Variants in KCNH2 observed in about 807,000 individuals in gnomAD.
KCNH2 encodes voltage-gated inwardly rectifying potassium channel KCNH2.
In KCNH2, 35 loss-of-function variants were observed where a neutral mutation model predicts 95.9. That is an observed-to-expected ratio of 0.37 (90% CI 0.28 to 0.48). The LOEUF (loss-of-function observed/expected upper bound fraction) is 0.48. KCNH2 is among the 20% of genes least tolerant of loss of function. The pLI is 0.99. For missense variants in KCNH2, 1,274 were observed against 1,702.9 expected, an observed-to-expected ratio of 0.75 and a Z score of 4.43; for synonymous variants, 786 against 754.7, an observed-to-expected ratio of 1.04 and a Z score of -0.68.
In KCNH2 at chr7:150,951,503, G is replaced by C; in HGVS notation, c.1890C>G (p.Val630=). The C allele has an allele frequency of 1.2e-6, 2 of 1,614,246 alleles. No individual in the cohort carries two copies. The highest frequency in any genetic ancestry group is 1.3e-5 in the African/African-American group (1 of 75,078). ...SSLTSVGFGN[V]SPNTNSEKIF... is the part of the protein sequence containing the mutation. ...TCTTCTCTGAGTTGGTGTTGGGAGA[G>C]ACGTTGCCGAAGCCCACACTGGTGA... The change falls in exon 7 of 15, where the codon GTC becomes GTG. Residue 630 remains valine (V), a synonymous_variant. Coordinates refer to ENST00000262186, the MANE Select transcript of KCNH2 (RefSeq NM_000238.4).
At chr7:150,973,073 T>C (rs1411266061) in intron 2 of KCNH2, among the ~76,000 whole-genome samples, 1 of 152,210 alleles carries the variant, frequency 6.6e-6, no homozygotes, top group Admixed American at 6.5e-5. Context: ...AGGCACGTTA[T>C]CCCAGAAGTA....
chr7:150,955,699 T>C, intron 5 of KCNH2: 1 of 1,355,346 alleles, frequency 7.4e-7, no homozygotes, highest in Non-Finnish European at 9.5e-7. Flanking sequence ...GCAGTAAGCG[T>C]GGGCAGCAGC....
At chr7:150,966,964 T>A (rs1348188093) in intron 2 of KCNH2, among the ~76,000 whole-genome samples, 2 of 152,306 alleles carry the variant, frequency 1.3e-5, no homozygotes, top group Admixed American at 1.3e-4. Context: ...AAGAATTCAA[T>A]AAACTTTCTC....
intron 11 of KCNH2, 28 bp downstream of exon 11, chr7:150,948,416 T>TTCCCCCCCCCCCCCCCCCCC: frequency 5.0e-6 from 2 of 402,874 alleles, no homozygotes; most frequent in Admixed American, 3.4e-5. Flanking sequence ...GTCCCCGCCC[T>TTCCCCCCCCCCCCCCCCCCC]CCCCCTTCCT....
intron 2 of KCNH2, among the ~76,000 whole-genome samples, chr7:150,969,301 G>A (rs375412215): frequency 3.9e-5 from 6 of 152,290 alleles, no homozygotes; most frequent in South Asian, 2.1e-4. Context: ...GACCACCTGC[G>A]GTAAAGCATG....
chr7:150,970,363 G>C (rs1229872598), intron 2 of KCNH2, among the ~76,000 whole-genome samples: 1 of 151,076 alleles, frequency 6.6e-6, no homozygotes, highest in African/African-American at 2.4e-5. Context: ...ACAGCTCTTC[G>C]CAAATATTTA....
At position 150,949,003 on chromosome 7, in the gene KCNH2, A is replaced by G. The variant is rs375147598; in HGVS notation, c.2445T>C (p.Pro815=). 5.6e-6 allele frequency: 9 copies of G among 1,614,196 alleles called. No individual in the cohort carries two copies. Among genetic ancestry groups the G allele is most frequent in the Middle Eastern group, 1.6e-4 (1 of 6,062 alleles). ...FGEPLNLYAR[P]GKSNGDVRAL... ...CCCGCACATCCCCGTTCGACTTGCC[A>G]GGCCTTGCATACAGGTTCAGAGGCT... Residue 815 remains proline, a synonymous_variant, in exon 10 of 15, where the codon CCT becomes CCC. Transcript: ENST00000262186.
At chr7:150,965,701 C>T (rs576028398) in intron 2 of KCNH2, among the ~76,000 whole-genome samples, 1 of 152,336 alleles carries the variant, frequency 6.6e-6, no homozygotes, top group South Asian at 2.1e-4. Flanking sequence ...CCAAACAATG[C>T]CCATCGTCTA....
chr7:150,948,128 C>A (rs1436240807), intron 11 of KCNH2, among the ~76,000 whole-genome samples: 2 of 152,218 alleles, frequency 1.3e-5, no homozygotes, highest in Non-Finnish European at 2.9e-5. Flanking sequence ...GGGGCCTCAG[C>A]CCCATCGTTG....
At chr7:150,969,530 C>T (rs1484766001) in intron 2 of KCNH2, among the ~76,000 whole-genome samples, 2 of 152,214 alleles carry the variant, frequency 1.3e-5, no homozygotes, top group Non-Finnish European at 2.9e-5. Flanking sequence ...GGCTAGAGGA[C>T]TCCCAGACAC....
chr7:150,948,805 CACACA>C, intron 10 of KCNH2, 46 bp downstream of exon 10: 1 of 1,534,614 alleles, frequency 6.5e-7, no homozygotes, highest in Non-Finnish European at 9.0e-7. Context: ...AAGGGGCAGC[CACACA>C]GCTGGAAGCA....
intron 7 of KCNH2, 32 bp downstream of exon 7, chr7:150,951,416 T>A: frequency 6.2e-7 from 1 of 1,612,428 alleles, no homozygotes; most frequent in African/African-American, 1.3e-5. Flanking sequence ...CACCGTGGGC[T>A]CTCCCCGCCG....
intron 2 of KCNH2, among the ~76,000 whole-genome samples, chr7:150,965,368 T>C (rs1459205761): frequency 6.6e-6 from 1 of 152,160 alleles, no homozygotes; most frequent in Non-Finnish European, 1.5e-5. Context: ...ATCTCTGTCC[T>C]CTAGCTTCTC....
chr7:150,971,502 C>T (rs1271513885), intron 2 of KCNH2, among the ~76,000 whole-genome samples: 1 of 152,096 alleles, frequency 6.6e-6, no homozygotes, highest in African/African-American at 2.4e-5. Context: ...CACAAGCTCC[C>T]GGGGACACAG....
At position 150,974,796 on chromosome 7, in the gene KCNH2, C is replaced by A. The variant is rs1243986727; in HGVS notation, c.222G>T (p.Thr74=). The part of the protein sequence containing the change: ...CTCDFLHGPR[T]QRRAAAQIAQ... Reference sequence around the variant, plus strand: ...CGATCTGCGCGGCAGCGCGGCGCTGCGTGCGCGGCCCGTGCAGGAAGTCGC... The same window carrying A: ...CGATCTGCGCGGCAGCGCGGCGCTGAGTGCGCGGCCCGTGCAGGAAGTCGC... Residue 74 remains threonine (T), a synonymous_variant, in exon 2 of 15, where the codon ACG becomes ACT. Transcript: ENST00000262186. The A allele has an allele frequency of 6.2e-7, 1 of 1,604,550 alleles. No individual in the cohort carries two copies. Among genetic ancestry groups the A allele is most frequent in the Non-Finnish European group, 8.5e-7 (1 of 1,175,778 alleles).
intron 2 of KCNH2, among the ~76,000 whole-genome samples, chr7:150,971,255 G>C (rs928843719): frequency 6.6e-6 from 1 of 152,196 alleles, no homozygotes; most frequent in African/African-American, 2.4e-5. Context: ...TGGGGAGGCT[G>C]GGTTCCAAGG....
intron 2 of KCNH2, among the ~76,000 whole-genome samples, chr7:150,970,661 G>A (rs916115616): frequency 2.0e-5 from 3 of 152,156 alleles, no homozygotes; most frequent in South Asian, 2.1e-4. Context: ...CAACTGGCTC[G>A]GAAGCAGGGC....
chr7:150,948,295 T>A (rs1023702929), intron 11 of KCNH2, 149 bp downstream of exon 11: 1 of 714,970 alleles, frequency 1.4e-6, no homozygotes, highest in Non-Finnish European at 2.4e-6. Context: ...ATGGGCAGCA[T>A]CTGGACAGCT....
chr7:150,947,709 G>GCTC lies in KCNH2; in HGVS notation c.2861_2862insGAG (p.Arg954_Leu955insSer). 6.3e-7 allele frequency: 1 copy of GCTC among 1,585,600 alleles called. No homozygotes were observed. Among genetic ancestry groups the GCTC allele is most frequent in the Non-Finnish European group, 8.6e-7 (1 of 1,167,710 alleles). On this transcript the variant is annotated inframe_insertion, in exon 12 of 15. Transcript: ENST00000262186. The stretch of plus-strand genomic sequence containing the variant: ...GCCTGGGGCTGGAGAAGGGCACCAG[G>GCTC]CGGAGGGGGCTGGAGCTGCGGCCTG...
Sources: allele counts gnomAD v4.1 joint callset (sites outside exome capture counted in the v4.1 genomes callset), GRCh38; gene constraint gnomAD v4.1.1; transcripts MANE v1.5; gene names NCBI Gene and HGNC (gene_info 2026-07-23, HGNC 2026-07-21).